The following IP6K1 variants were observed in gnomAD, a reference collection of about 807,000 sequenced individuals.
The protein encoded by IP6K1 is inositol hexakisphosphate kinase 1.
IP6K1 carries 13 observed loss-of-function variants against 38.3 expected under a neutral mutation model. The observed-to-expected ratio is 0.34, with a 90% CI of 0.22 to 0.54. The LOEUF is 0.54. IP6K1 is among the 20% of genes least tolerant of loss of function. The probability of loss-of-function intolerance (pLI) is 0.92; values close to 1 mark genes in which losing one functional copy is unlikely to be tolerated. For missense variants in IP6K1, 397 were observed against 599.8 expected, an observed-to-expected ratio of 0.66 and a Z score of 3.53; for synonymous variants, 212 against 229.9, an observed-to-expected ratio of 0.92 and a Z score of 0.70.
intron 1 of IP6K1, among the ~76,000 whole-genome samples, chr3:49,763,312 A>T (rs953923192): frequency 1.3e-5 from 2 of 150,756 alleles, no homozygotes; most frequent in African/African-American, 4.9e-5. Flanking sequence ...TCGCCGTGTT[A>T]GCCAGGATGG....
intron 1 of IP6K1, among the ~76,000 whole-genome samples, chr3:49,756,192 T>C (rs2080821359): frequency 6.6e-6 from 1 of 152,080 alleles, no homozygotes; most frequent in Admixed American, 6.6e-5. Flanking sequence ...AACCATGGCA[T>C]CCTGAGGCCA....
At chr3:49,756,838 A>AAAAAAAAAAAAAAAAG (rs1559710132) in intron 1 of IP6K1, among the ~76,000 whole-genome samples, 1 of 119,180 alleles carries the variant, frequency 8.4e-6, no homozygotes, top group African/African-American at 3.7e-5. Context: ...AAAAAAAAAA[A>AAAAAAAAAAAAAAAAG]AAAGAAAAAA....
chr3:49,781,669 C>G (rs11130221), intron 1 of IP6K1, among the ~76,000 whole-genome samples: 70,990 of 151,876 alleles, frequency 0.47, 17,397 homozygotes, highest in African/African-American at 0.56. Context: ...GAGGAGGTAG[C>G]CTGGAGCCAG....
intron 1 of IP6K1, among the ~76,000 whole-genome samples, chr3:49,756,817 C>CAAAAAAAAAAAAAAAA (rs59808252): frequency 7.5e-6 from 1 of 133,284 alleles, no homozygotes; most frequent in African/African-American, 2.9e-5. Context: ...AACTCCATCT[C>CAAAAAAAAAAAAAAAA]AAAAAAAAAA....
At chr3:49,761,537 C>T (rs1420326593) in intron 1 of IP6K1, among the ~76,000 whole-genome samples, 1 of 151,468 alleles carries the variant, frequency 6.6e-6, no homozygotes, top group African/African-American at 2.4e-5. Flanking sequence ...TGGCGTGAAC[C>T]CGGGAGGCGG....
At chr3:49,739,352 G>GATCT (rs1553693741) in intron 2 of IP6K1, among the ~76,000 whole-genome samples, 1 of 126,446 alleles carries the variant, frequency 7.9e-6, no homozygotes, top group Non-Finnish European at 1.6e-5. Context: ...TTGGCTTAAA[G>GATCT]TTCTTTTTTT....
chr3:49,752,335 A>C (rs1234476106), intron 1 of IP6K1, among the ~76,000 whole-genome samples: 8 of 151,952 alleles, frequency 5.3e-5, no homozygotes, highest in Non-Finnish European at 1.5e-5. Context: ...AAAATACAAA[A>C]AAATTAGACG....
intron 1 of IP6K1, among the ~76,000 whole-genome samples, chr3:49,781,861 T>G (rs2081068454): frequency 6.6e-6 from 1 of 151,596 alleles, no homozygotes; most frequent in Admixed American, 6.6e-5. Context: ...GGTGGGAGGA[T>G]CACTCAAACC....
At chr3:49,736,228 A>C (rs750424339) in intron 3 of IP6K1, among the ~76,000 whole-genome samples, 4 of 152,124 alleles carry the variant, frequency 2.6e-5, no homozygotes, top group Non-Finnish European at 5.9e-5. Flanking sequence ...TAATTCTATT[A>C]TTATTTTTTT....
At chr3:49,752,047 C>T (rs1225803370) in intron 1 of IP6K1, among the ~76,000 whole-genome samples, 1 of 152,134 alleles carries the variant, frequency 6.6e-6, no homozygotes, top group African/African-American at 2.4e-5. Context: ...GGTCTGTCGT[C>T]CAGGCTGGAG....
At chr3:49,753,875 G>C (rs1354132272) in intron 1 of IP6K1, among the ~76,000 whole-genome samples, 1 of 152,138 alleles carries the variant, frequency 6.6e-6, no homozygotes, top group Non-Finnish European at 1.5e-5. Context: ...ACTCTTTTAA[G>C]ATTTGATATA....
chr3:49,766,404 C>G (rs1440577145), intron 1 of IP6K1, among the ~76,000 whole-genome samples: 1 of 151,500 alleles, frequency 6.6e-6, no homozygotes, highest in East Asian at 2.0e-4. Flanking sequence ...TGGCTCACAA[C>G]TGTAATCCCA....
rs190568628 is a variant in IP6K1, at chr3:49,734,386, C to G, written c.435-1414G>C. ...GCTCAGAGCAGAGGTGGAACATTAC[C>G]GTAATTTCTTTTTTTTTTTTTTTTT... On this transcript the variant is annotated intron_variant, in intron 3 of 5. Transcript: ENST00000321599. 6.0e-3 allele frequency among the ~76,000 whole-genome samples: 849 copies of G among 142,338 alleles called. 12 individuals are homozygous for G. Among genetic ancestry groups the G allele is most frequent in the African/African-American group, 0.021 (820 of 39,312 alleles). 93.4% of individuals were successfully genotyped at this position (142,338 alleles called of 152,430 possible). A position where few individuals can be genotyped will look rare whatever the true frequency, so the allele number is the denominator to read the frequency against.
intron 1 of IP6K1, among the ~76,000 whole-genome samples, chr3:49,762,617 G>A (rs985308480): frequency 9.2e-5 from 14 of 151,954 alleles, no homozygotes; most frequent in African/African-American, 2.2e-4. Flanking sequence ...CTGAGTCTGC[G>A]ATCAAAAATC....
At chr3:49,732,668 G>T in intron 4 of IP6K1, 123 bp downstream of exon 4, 1 of 698,614 alleles carries the variant, frequency 1.4e-6, no homozygotes. Flanking sequence ...AGGAGTCCAT[G>T]AAAAAGGGAG....
At chr3:49,756,578 G>A (rs2080825052) in intron 1 of IP6K1, among the ~76,000 whole-genome samples, 1 of 152,172 alleles carries the variant, frequency 6.6e-6, no homozygotes, top group Admixed American at 6.5e-5. Context: ...AGCACTTTGG[G>A]AGGCCAAGGC....
At chr3:49,758,272 C>G (rs1399435296) in intron 1 of IP6K1, among the ~76,000 whole-genome samples, 5 of 145,340 alleles carry the variant, frequency 3.4e-5, no homozygotes, top group African/African-American at 1.3e-4. Flanking sequence ...TGAGATCGCA[C>G]CACTACACTC....
chr3:49,770,811 C>A (rs2080950680), intron 1 of IP6K1, among the ~76,000 whole-genome samples: 1 of 152,100 alleles, frequency 6.6e-6, no homozygotes, highest in South Asian at 2.1e-4. Context: ...AATTGAAAAC[C>A]TCTGATTATT....
chr3:49,740,791 A>G (rs1255445143), intron 2 of IP6K1, among the ~76,000 whole-genome samples: 1 of 151,254 alleles, frequency 6.6e-6, no homozygotes, highest in Non-Finnish European at 1.5e-5. Flanking sequence ...TTTAGCTATT[A>G]TGAATGATGC....
Sources: gnomAD v4.1 joint callset for allele counts (sites outside exome capture counted in the v4.1 genomes callset) on GRCh38, gnomAD v4.1.1 for gene constraint, MANE v1.5 for transcripts, NCBI Gene and HGNC (gene_info 2026-07-23, HGNC 2026-07-21) for gene names.